Variants in NFS1 observed in about 807,000 individuals in gnomAD.
The protein encoded by NFS1 is cysteine desulfurase.
A neutral mutation model predicts 57.3 loss-of-function variants in NFS1; 26 were observed. The observed-to-expected ratio is 0.45, with a 90% CI of 0.33 to 0.63. NFS1 has a LOEUF of 0.63. Ranked by LOEUF, NFS1 falls within the 20% of genes least tolerant of loss-of-function variation. The pLI is 0.02. For synonymous variants in NFS1, 209 were observed against 216.3 expected (o/e 0.97, Z 0.30); for missense variants, 505 against 605.8 (o/e 0.83, Z 1.75).
intron 4 of NFS1, among the ~76,000 whole-genome samples, chr20:35,693,754 G>C (rs1315759749): frequency 1.3e-5 from 2 of 152,142 alleles, no homozygotes; most frequent in African/African-American, 4.8e-5. Context: ...ACAAGGTCAG[G>C]AGATCGAGAC....
chr20:35,689,251 T>A (rs530268574), intron 5 of NFS1, among the ~76,000 whole-genome samples: 1 of 142,646 alleles, frequency 7.0e-6, no homozygotes, highest in East Asian at 2.1e-4. Flanking sequence ...ACTCTGGGAG[T>A]CCGAGATGGG....
chr20:35,684,498 CCCA>C (rs1483827794), intron 5 of NFS1, among the ~76,000 whole-genome samples: 1 of 151,480 alleles, frequency 6.6e-6, no homozygotes, highest in Non-Finnish European at 1.5e-5. Flanking sequence ...CGCCTGGAAT[CCCA>C]GCACTTTGGA....
chr20:35,673,160 T>C (rs947953081), intron 11 of NFS1, among the ~76,000 whole-genome samples: 1 of 152,018 alleles, frequency 6.6e-6, no homozygotes, highest in Admixed American at 6.6e-5. Flanking sequence ...TGGTGGCACA[T>C]GTCTGTAATC....
chr20:35,689,240 C>T (rs1057339196), intron 5 of NFS1, among the ~76,000 whole-genome samples: 1 of 152,194 alleles, frequency 6.6e-6, no homozygotes, highest in South Asian at 2.1e-4. Flanking sequence ...GTAATCCCAG[C>T]ACTCTGGGAG....
At chr20:35,691,605 G>A (rs896935999) in intron 4 of NFS1, among the ~76,000 whole-genome samples, 1 of 151,230 alleles carries the variant, frequency 6.6e-6, no homozygotes, top group Non-Finnish European at 1.5e-5. Context: ...GCCAGGCCCG[G>A]TGGCACGCAC....
chr20:35,681,449 G>A (rs753702655), intron 6 of NFS1, among the ~76,000 whole-genome samples: 2 of 152,210 alleles, frequency 1.3e-5, no homozygotes, highest in Non-Finnish European at 2.9e-5. Context: ...TGTAATCCCA[G>A]CACTTTGGGA....
rs559125974 is a variant in NFS1, at chr20:35,682,111, T to G, written c.562-130A>C. The G allele has an allele frequency of 1.2e-5, 6 of 506,244 alleles. No homozygotes were observed. The Admixed American group carries it at 1.7e-4, about 14-fold the overall frequency. The allele number at this position is 506,244 out of a possible 1,614,324, so 31.4% of individuals were successfully genotyped here. A position where few individuals can be genotyped will look rare whatever the true frequency, so the allele number is the denominator to read the frequency against. ...TATCTGAATAGTTAACTAAAAACAG[T>G]GACAACACAAAATGTTGGTGAGGAT... On this transcript the variant is annotated intron_variant, in intron 5 of 12. Transcript: ENST00000374092.
intron 5 of NFS1, among the ~76,000 whole-genome samples, chr20:35,685,195 C>T (rs964617001): frequency 6.6e-6 from 1 of 151,726 alleles, no homozygotes; most frequent in East Asian, 1.9e-4. Flanking sequence ...CAAGGGAGAC[C>T]CTGTCTCTAC....
chr20:35,673,117 G>A (rs1388767564), intron 11 of NFS1, among the ~76,000 whole-genome samples: 2 of 151,980 alleles, frequency 1.3e-5, no homozygotes, highest in Non-Finnish European at 2.9e-5. Flanking sequence ...GTGAAACCCC[G>A]TCTCTACTAA....
intron 4 of NFS1, among the ~76,000 whole-genome samples, chr20:35,695,681 G>C (rs756844307): frequency 2.6e-5 from 4 of 152,140 alleles, no homozygotes; most frequent in African/African-American, 4.8e-5. Flanking sequence ...TGATCAGAAA[G>C]AAAAAGGAAG....
chr20:35,691,445 GAAA>G (rs934725673), intron 4 of NFS1, among the ~76,000 whole-genome samples: 1 of 136,998 alleles, frequency 7.3e-6, no homozygotes, highest in East Asian at 2.4e-4. Context: ...TCTCATTGAA[GAAA>G]AAAAAAAAGC....
At chr20:35,693,512 ATAAAAGACT>A (rs1196651364) in intron 4 of NFS1, among the ~76,000 whole-genome samples, 1 of 152,180 alleles carries the variant, frequency 6.6e-6, no homozygotes, top group Non-Finnish European at 1.5e-5. Flanking sequence ...CCCAGAGCTT[ATAAAAGACT>A]ATTACCTTTA....
intron 8 of NFS1, 51 bp downstream of exon 8, chr20:35,674,994 G>A: frequency 6.2e-7 from 1 of 1,610,634 alleles, no homozygotes; most frequent in Non-Finnish European, 8.5e-7. Context: ...CTCTAAATAG[G>A]AGACCCAGCA....
At chr20:35,698,275 T>G (rs2146443334) in intron 2 of NFS1, among the ~76,000 whole-genome samples, 2 of 152,394 alleles carry the variant, frequency 1.3e-5, no homozygotes, top group Middle Eastern at 6.8e-3. Flanking sequence ...GAGCCTGCGC[T>G]GAAGTGATCT....
At chr20:35,680,942 G>T in intron 6 of NFS1, 71 bp from the exon 7 acceptor site, 2 of 1,258,106 alleles carry the variant, frequency 1.6e-6, no homozygotes, top group Non-Finnish European at 2.1e-6. Flanking sequence ...ACAGTGCACT[G>T]TGAATTATCT....
chr20:35,676,758 G>GAAAAAAAAA (rs746820595), intron 7 of NFS1, among the ~76,000 whole-genome samples: 92 of 18,068 alleles, frequency 5.1e-3, no homozygotes, highest in African/African-American at 9.8e-3. Flanking sequence ...GAGAAAATCA[G>GAAAAAAAAA]AAAAAAAAAA....
At chr20:35,688,539 A>G (rs1251846424) in intron 5 of NFS1, among the ~76,000 whole-genome samples, 1 of 152,130 alleles carries the variant, frequency 6.6e-6, no homozygotes, top group Non-Finnish European at 1.5e-5. Context: ...CCTGGGAGAC[A>G]AGGCAATATT....
chr20:35,676,447 G>A (rs558900996), intron 7 of NFS1, among the ~76,000 whole-genome samples: 1 of 150,920 alleles, frequency 6.6e-6, no homozygotes, highest in South Asian at 2.1e-4. Context: ...TTAGCTGGGC[G>A]TGGTGGCACG....
rs1314371567 is a variant in NFS1, at chr20:35,697,767, G to A, written c.241C>T (p.Leu81=). Reference sequence around the variant, plus strand: ...TGTGGGTTCCCATAGTAGTTGATTAGGTAAGGGAGCATGGCATCAAGCACC... The same window carrying A: ...TGTGGGTTCCCATAGTAGTTGATTAAGTAAGGGAGCATGGCATCAAGCACC... ...PRVLDAMLPY[L]INYYGNPHSR... Residue 81 remains leucine (L), a synonymous_variant, in exon 3 of 13, where the codon CTA becomes TTA. Coordinates refer to ENST00000374092, the MANE Select transcript of NFS1 (RefSeq NM_021100.5). 1.2e-6 allele frequency: 2 copies of A among 1,613,696 alleles called. No homozygotes were observed. Among genetic ancestry groups the A allele is most frequent in the South Asian group, 1.1e-5 (1 of 91,054 alleles).
Sources: allele counts gnomAD v4.1 joint callset (sites outside exome capture counted in the v4.1 genomes callset), GRCh38; gene constraint gnomAD v4.1.1; transcripts MANE v1.5; gene names NCBI Gene and HGNC (gene_info 2026-07-23, HGNC 2026-07-21).